The following JAG1 variants were observed in gnomAD, a reference collection of about 807,000 sequenced individuals.
The protein encoded by JAG1 is protein jagged-1.
Under a neutral mutation model 148.7 loss-of-function variants are expected in JAG1, and 23 were observed. The ratio of observed to expected loss-of-function variants is 0.15; its 90% CI spans 0.11 to 0.22. The LOEUF is 0.22. Among genes scored for constraint, JAG1 ranks in the 10% least tolerant of loss-of-function variants. The pLI, the probability that JAG1 is intolerant of heterozygous loss-of-function variation, is 1.00. For missense variants in JAG1, 1,054 were observed against 1,611.2 expected, an observed-to-expected ratio of 0.65 and a Z score of 5.92; for synonymous variants, 572 against 598.3, an observed-to-expected ratio of 0.96 and a Z score of 0.64.
intron 18 of JAG1, 87 bp from the exon 19 acceptor site, chr20:10,644,471 T>C (rs1209611403): frequency 3.8e-6 from 4 of 1,039,486 alleles, no homozygotes; most frequent in East Asian, 2.4e-5. Context: ...ATTTTCCTAA[T>C]ACCCAAATGA....
At chr20:10,671,300 TCCCACAACAGAAACAG>T (rs939591795) in intron 2 of JAG1, among the ~76,000 whole-genome samples, 1 of 152,142 alleles carries the variant, frequency 6.6e-6, no homozygotes, top group African/African-American at 2.4e-5. Flanking sequence ...AAAAATGAAA[TCCCACAACAGAAACAG>T]CCCTTGGACC....
chr20:10,672,600 T>G lies in JAG1; in HGVS notation c.387+101A>C, dbSNP rs2067503998. The G allele has an allele frequency of 4.1e-6, 5 of 1,229,804 alleles. No individual in the cohort carries two copies. In the Admixed American group the frequency reaches 9.5e-5, roughly 23 times the overall value. The allele number at this position is 1,229,804 out of a possible 1,614,324, so 76.2% of individuals were successfully genotyped here. A position where few individuals can be genotyped will look rare whatever the true frequency, so the allele number is the denominator to read the frequency against. On this transcript the variant is annotated intron_variant, in intron 2 of 25. Coordinates refer to ENST00000254958, the MANE Select transcript of JAG1 (RefSeq NM_000214.3). Reference sequence around the variant, plus strand: ...AGATTTCCCCAGTTAGCGCCTAGTTTCAAGCCAAAGCCCTTTAAATCCCTC... The same window carrying G: ...AGATTTCCCCAGTTAGCGCCTAGTTGCAAGCCAAAGCCCTTTAAATCCCTC...
At chr20:10,664,780 TACTA>T (rs1446144290) in intron 2 of JAG1, among the ~76,000 whole-genome samples, 9 of 152,178 alleles carry the variant, frequency 5.9e-5, no homozygotes, top group African/African-American at 2.2e-4. Flanking sequence ...AATCAGAGTC[TACTA>T]ACTAAACAAA....
chr20:10,641,947 C>A, intron 21 of JAG1, 55 bp from the exon 22 acceptor site: 2 of 1,163,488 alleles, frequency 1.7e-6, no homozygotes, highest in South Asian at 2.4e-5. Flanking sequence ...GATCGGGGTT[C>A]AATTCTTTGG....
At chr20:10,671,987 G>A (rs1321313380) in intron 2 of JAG1, among the ~76,000 whole-genome samples, 1 of 151,700 alleles carries the variant, frequency 6.6e-6, no homozygotes, top group African/African-American at 2.4e-5. Context: ...TGCAAACACA[G>A]CTGTTCCAGA....
rs901767845 is a variant in JAG1 at position 10,673,713 on chromosome 20, C to T, written c.-183G>A. 4 of 262,292 alleles carry T rather than the reference C, an allele frequency of 1.5e-5. No individual in the cohort carries two copies. Among genetic ancestry groups the T allele is most frequent in the African/African-American group, 2.3e-5 (1 of 44,308 alleles). 16.2% of individuals were successfully genotyped at this position (262,292 alleles called of 1,614,324 possible). ...TTTTCAAAAGCCCTTTCAAGAGCGGCCCGTTCCAGAAGGCAAAGAGCCCGG... is the reference window on the plus strand; with the variant it reads ...TTTTCAAAAGCCCTTTCAAGAGCGGTCCGTTCCAGAAGGCAAAGAGCCCGG... On this transcript the variant is annotated 5_prime_UTR_variant, in exon 1 of 26. Coordinates refer to ENST00000254958, the MANE Select transcript of JAG1 (RefSeq NM_000214.3). The surrounding 1 kb of genome is among the most constrained non-coding windows in gnomAD (Gnocchi z 4.7).
intron 10 of JAG1, 99 bp from the exon 11 acceptor site, chr20:10,649,206 C>G (rs560107796): frequency 2.4e-6 from 2 of 849,822 alleles, no homozygotes; most frequent in African/African-American, 3.4e-5. Flanking sequence ...AGTTTCAAAT[C>G]AGATTTCCTG....
rs2067304941 is a variant in JAG1 at position 10,645,810 on chromosome 20, A to C, written c.1999+161T>G. The C allele has an allele frequency of 1.4e-6, 1 of 694,832 alleles. No individual in the cohort carries two copies. The highest frequency in any genetic ancestry group is 2.6e-5 in the East Asian group (1 of 38,536). 43.0% of individuals were successfully genotyped at this position (694,832 alleles called of 1,614,324 possible). A position where few individuals can be genotyped will look rare whatever the true frequency, so the allele number is the denominator to read the frequency against. On this transcript the variant is annotated intron_variant, in intron 15 of 25. Coordinates refer to ENST00000254958, the MANE Select transcript of JAG1 (RefSeq NM_000214.3). The surrounding 1 kb of genome is among the most constrained non-coding windows in gnomAD (Gnocchi z 6.1). ...TCCCCATAAGCTATCATCAGGACTC[A>C]TAAATGCAAATGAGACACAAGTGAT... is the stretch of plus-strand genomic sequence containing the variant.
chr20:10,664,098 C>T, intron 2 of JAG1, 84 bp from the exon 3 acceptor site: 2 of 1,051,820 alleles, frequency 1.9e-6, no homozygotes, highest in Admixed American at 3.4e-5. Flanking sequence ...CCCAGAATAC[C>T]CCACCAAACA....
intron 4 of JAG1, among the ~76,000 whole-genome samples, chr20:10,657,889 T>C (rs1380899468): frequency 6.6e-6 from 1 of 152,190 alleles, no homozygotes; most frequent in Non-Finnish European, 1.5e-5. Flanking sequence ...TCATTTCCTA[T>C]AGGATAGCCT....
intron 10 of JAG1, 149 bp from the exon 11 acceptor site, chr20:10,649,256 A>G: frequency 1.5e-6 from 1 of 676,146 alleles, no homozygotes; most frequent in South Asian, 1.8e-5. Context: ...CTGGGTGGGG[A>G]CCCTCCCTAA....
At chr20:10,649,675 AC>A in intron 9 of JAG1, 40 bp from the exon 10 acceptor site, 1 of 1,171,598 alleles carries the variant, frequency 8.5e-7, no homozygotes, top group Non-Finnish European at 1.3e-6. Flanking sequence ...ATGAAGTTCA[AC>A]CCCCATCTCC....
chr20:10,664,413 A>AC (rs1568803615), intron 2 of JAG1, among the ~76,000 whole-genome samples: 1 of 108,882 alleles, frequency 9.2e-6, no homozygotes, highest in Non-Finnish European at 2.1e-5. Flanking sequence ...CACACACACA[A>AC]AGAATTTATT....
chr20:10,641,856 A>G lies in JAG1; in HGVS notation c.2609T>C (p.Ile870Thr), dbSNP rs1386302689. The change falls in exon 22 of 26, where the codon ATA becomes ACA. Residue 870 changes from isoleucine (I) to threonine (T), a missense_variant. Ile to Thr is a moderately conservative substitution (Grantham distance 89). This residue lies in a region of JAG1 where 342 missense variants were observed against 514.6 expected (regional missense o/e 0.66). Transcript: ENST00000254958. ...GRPCITMGSV[I>T]PDGAKWDDDC... ...ATCATCCCATTTGGCCCCATCTGGTATCACACTCCCCATGGTGATGCAAGG... is the reference window on the plus strand; with the variant it reads ...ATCATCCCATTTGGCCCCATCTGGTGTCACACTCCCCATGGTGATGCAAGG... The G allele has an allele frequency of 1.5e-5, 24 of 1,613,914 alleles. No individual in the cohort carries two copies. Among genetic ancestry groups the G allele is most frequent in the Non-Finnish European group, 1.9e-5 (22 of 1,179,742 alleles).
chr20:10,666,986 C>T (rs1395017675), intron 2 of JAG1, among the ~76,000 whole-genome samples: 9 of 152,330 alleles, frequency 5.9e-5, no homozygotes, highest in East Asian at 1.9e-4. Flanking sequence ...CACTCCATGG[C>T]GGTTACCTTG....
chr20:10,667,530 T>G (rs1024714231), intron 2 of JAG1, among the ~76,000 whole-genome samples: 2 of 152,222 alleles, frequency 1.3e-5, no homozygotes, highest in Non-Finnish European at 2.9e-5. Context: ...GTGTGGCGCA[T>G]GCACACGTAC....
intron 9 of JAG1, 114 bp downstream of exon 9, chr20:10,650,133 T>C: frequency 1.4e-6 from 1 of 727,316 alleles, no homozygotes; most frequent in Non-Finnish European, 2.5e-6. Context: ...AAATTACTTC[T>C]TAGCATGATG....
At position 10,669,547 on chromosome 20, in the gene JAG1, C is replaced by CAAAAAAAAAAAAAAA. The variant is rs56122797; in HGVS notation, c.387+3139_387+3153dup. Among the ~76,000 whole-genome samples the CAAAAAAAAAAAAAAA allele has an allele frequency of 7.0e-4, 31 of 44,198 alleles. 9 individuals carry two copies. Among genetic ancestry groups the CAAAAAAAAAAAAAAA allele is most frequent in the East Asian group, 1.7e-3 (4 of 2,296 alleles). The allele number at this position is 44,198 out of a possible 152,430, so 29.0% of individuals were successfully genotyped here. On this transcript the variant is annotated intron_variant, in intron 2 of 25. Coordinates refer to ENST00000254958, the MANE Select transcript of JAG1 (RefSeq NM_000214.3). ...AAGAATCACGTTTCATTGGATTTTC[C>CAAAAAAAAAAAAAAA]AAAAAAAAAAAAAAAAAAAAAAAAA...
At position 10,645,580 on chromosome 20, in the gene JAG1, G is replaced by T; in HGVS notation, c.2000-111C>A. On this transcript the variant is annotated intron_variant, in intron 15 of 25. Coordinates refer to ENST00000254958, the MANE Select transcript of JAG1 (RefSeq NM_000214.3). This position sits in a 1 kb window ranked among gnomAD's most constrained non-coding sequence, Gnocchi z 6.1. ...CATCCAACATCCTATTCTGAGAACAGCCACAGTCGTAGTACTTTAACACAA... is the reference window on the plus strand; with the variant it reads ...CATCCAACATCCTATTCTGAGAACATCCACAGTCGTAGTACTTTAACACAA... 1 of 856,980 alleles carries T rather than the reference G, an allele frequency of 1.2e-6. No individual in the cohort carries two copies. 53.1% of individuals were successfully genotyped at this position (856,980 alleles called of 1,614,324 possible). A position where few individuals can be genotyped will look rare whatever the true frequency, so the allele number is the denominator to read the frequency against.
Sources: allele counts gnomAD v4.1 joint callset (sites outside exome capture counted in the v4.1 genomes callset), GRCh38; gene constraint gnomAD v4.1.1; regional missense constraint gnomAD v4.1.1; non-coding constraint Gnocchi (gnomAD v3.1); transcripts MANE v1.5; gene names NCBI Gene and HGNC (gene_info 2026-07-23, HGNC 2026-07-21).